PACSIN2: variants seen among roughly 807,000 people sequenced by gnomAD.
PACSIN2 encodes the protein protein kinase C and casein kinase substrate in neurons protein 2.
In PACSIN2, 25 loss-of-function variants were observed where a neutral mutation model predicts 63.8. The observed-to-expected ratio is 0.39, with a 90% CI of 0.29 to 0.55. The LOEUF is 0.55. Ranked by LOEUF, PACSIN2 falls within the 20% of genes least tolerant of loss-of-function variation. The pLI is 0.62. For missense variants in PACSIN2, 518 were observed against 646.9 expected, an observed-to-expected ratio of 0.80 and a Z score of 2.16; for synonymous variants, 255 against 256.2, an observed-to-expected ratio of 1.00 and a Z score of 0.05.
chr22:42,896,465 T>C (rs1930295966), intron 2 of PACSIN2, among the ~76,000 whole-genome samples: 1 of 152,014 alleles, frequency 6.6e-6, no homozygotes, highest in African/African-American at 2.4e-5. Context: ...AAGTTCACTC[T>C]TTCTTACTGC....
chr22:42,907,017 A>G (rs1356030002), intron 2 of PACSIN2, among the ~76,000 whole-genome samples: 1 of 152,214 alleles, frequency 6.6e-6, no homozygotes, highest in Non-Finnish European at 1.5e-5. Context: ...CGCCCGGAGC[A>G]GTCAGGGAAG....
chr22:42,932,284 C>T (rs1475311327), intron 1 of PACSIN2, among the ~76,000 whole-genome samples: 2 of 152,236 alleles, frequency 1.3e-5, no homozygotes, highest in Non-Finnish European at 2.9e-5. Flanking sequence ...CCGGCTCCCC[C>T]TCACACCATT....
chr22:42,897,704 CAG>C (rs1930387006), intron 2 of PACSIN2, among the ~76,000 whole-genome samples: 1 of 152,210 alleles, frequency 6.6e-6, no homozygotes, highest in African/African-American at 2.4e-5. Flanking sequence ...CTGAGGGACT[CAG>C]TGCTTGGGCA....
chr22:42,955,595 T>C (rs1384082289), intron 1 of PACSIN2, among the ~76,000 whole-genome samples: 1 of 152,184 alleles, frequency 6.6e-6, no homozygotes, highest in African/African-American at 2.4e-5. Context: ...ACCTCAGAAG[T>C]TCACTGGGTA....
chr22:42,984,911 G>A, intron 1 of PACSIN2, among the ~76,000 whole-genome samples: 1 of 152,090 alleles, frequency 6.6e-6, no homozygotes, highest in East Asian at 1.9e-4. Context: ...ACAAAAGTAG[G>A]CCCCACCCCT....
intron 1 of PACSIN2, among the ~76,000 whole-genome samples, chr22:42,974,273 A>AC (rs1050669545): frequency 6.6e-6 from 1 of 152,162 alleles, no homozygotes; most frequent in African/African-American, 2.4e-5. Flanking sequence ...TGAACCGTCT[A>AC]CCCAAGGCCC....
intron 1 of PACSIN2, among the ~76,000 whole-genome samples, chr22:42,938,621 C>T (rs547164846): frequency 1.3e-5 from 2 of 152,340 alleles, no homozygotes; most frequent in South Asian, 2.1e-4. Context: ...CTGCATGTTC[C>T]GCAGGACCAT....
At chr22:43,009,444 G>C (rs946027549) in intron 1 of PACSIN2, among the ~76,000 whole-genome samples, 5 of 152,360 alleles carry the variant, frequency 3.3e-5, no homozygotes, top group Non-Finnish European at 5.9e-5. Context: ...AGGGAGCTTA[G>C]AGATGGAATA....
intron 1 of PACSIN2, among the ~76,000 whole-genome samples, chr22:42,920,781 TGAATTATC>T (rs1932134923): frequency 2.8e-5 from 4 of 145,174 alleles, no homozygotes; most frequent in African/African-American, 1.0e-4. Context: ...TCAATTATCA[TGAATTATC>T]ACACTTTTTT....
At chr22:42,924,402 C>T (rs151136663) in intron 1 of PACSIN2, among the ~76,000 whole-genome samples, 1 of 152,346 alleles carries the variant, frequency 6.6e-6, no homozygotes, top group Non-Finnish European at 1.5e-5. Flanking sequence ...GCTGTATGCA[C>T]TGCTGCATGC....
In PACSIN2 at chr22:42,936,852, A is replaced by G. The variant is rs1347767920; in HGVS notation, c.-77-24695T>C. On this transcript the variant is annotated intron_variant, in intron 1 of 10. Transcript: ENST00000263246. ...CCTGAACCCGCGAGACGGAGGTTGC[A>G]GTGAGCCGAGATCATGCCATAGCAC... Among the ~76,000 whole-genome samples the G allele has an allele frequency of 2.8e-5, 4 of 140,492 alleles. No homozygotes were observed. In the East Asian group the frequency reaches 9.5e-4, roughly 33 times the overall value. The allele number at this position is 140,492 out of a possible 152,430, so 92.2% of individuals were successfully genotyped here. A position where few individuals can be genotyped will look rare whatever the true frequency, so the allele number is the denominator to read the frequency against.
At chr22:43,010,398 A>ATATATATATATTTTTTTT in intron 1 of PACSIN2, among the ~76,000 whole-genome samples, 7 of 126,408 alleles carry the variant, frequency 5.5e-5, no homozygotes, top group African/African-American at 1.4e-4. Flanking sequence ...ATATATATAT[A>ATATATATATATTTTTTTT]TTTTTTTTTA....
intron 1 of PACSIN2, among the ~76,000 whole-genome samples, chr22:42,996,050 T>C (rs1295249873): frequency 6.9e-6 from 1 of 145,848 alleles, no homozygotes; most frequent in Non-Finnish European, 1.5e-5. Context: ...GAAACCTCAT[T>C]TCTACTAAAA....
chr22:42,919,284 A>G (rs1932009309), intron 1 of PACSIN2, among the ~76,000 whole-genome samples: 1 of 152,194 alleles, frequency 6.6e-6, no homozygotes, highest in South Asian at 2.1e-4. Flanking sequence ...GTAAGGCAGT[A>G]CAACATGGGC....
chr22:42,882,379 C>T (rs1421201251), intron 6 of PACSIN2, 75 bp from the exon 7 acceptor site: 33 of 1,509,220 alleles, frequency 2.2e-5, no homozygotes, highest in Non-Finnish European at 2.9e-5. Flanking sequence ...GTGCCAGCCA[C>T]AGCAGGTCCC....
intron 1 of PACSIN2, among the ~76,000 whole-genome samples, chr22:42,989,997 T>A (rs8138151): frequency 0.58 from 83,237 of 143,166 alleles, 24,480 homozygotes; most frequent in East Asian, 0.77. Flanking sequence ...TATATACATA[T>A]ATACACACAC....
At chr22:42,986,142 G>A (rs918854778) in intron 1 of PACSIN2, among the ~76,000 whole-genome samples, 4 of 152,162 alleles carry the variant, frequency 2.6e-5, no homozygotes, top group Non-Finnish European at 4.4e-5. Context: ...CATTAGGCAA[G>A]GGAAAAACAA....
At chr22:42,888,984 C>T (rs1929699767) in intron 4 of PACSIN2, among the ~76,000 whole-genome samples, 186 bp from the exon 5 acceptor site, 1 of 152,216 alleles carries the variant, frequency 6.6e-6, no homozygotes, top group Non-Finnish European at 1.5e-5. Flanking sequence ...TCATGGAGTA[C>T]TTGCTTGTCC....
intron 1 of PACSIN2, among the ~76,000 whole-genome samples, chr22:42,958,795 C>T (rs796260091): frequency 2.0e-5 from 3 of 152,236 alleles, no homozygotes; most frequent in African/African-American, 7.2e-5. Flanking sequence ...TTCTGGAGGA[C>T]GGAGAGAGGA....
Sources: gnomAD v4.1 joint callset for allele counts (sites outside exome capture counted in the v4.1 genomes callset) on GRCh38, gnomAD v4.1.1 for gene constraint, MANE v1.5 for transcripts, NCBI Gene and HGNC (gene_info 2026-07-23, HGNC 2026-07-21) for gene names.